Variants in RBAK observed in about 807,000 individuals in gnomAD.
RBAK encodes RB-associated KRAB zinc finger protein.
In RBAK, 39 loss-of-function variants were observed where a neutral mutation model predicts 65.8. That is an observed-to-expected ratio of 0.59 (90% confidence interval 0.46 to 0.77). The LOEUF (loss-of-function observed/expected upper bound fraction) is 0.77, where lower values mean the gene tolerates loss of function less well. Ranked by LOEUF, RBAK falls within the 30% of genes least tolerant of loss-of-function variation. The probability of loss-of-function intolerance (pLI) is 0.00; values close to 1 mark genes in which losing one functional copy is unlikely to be tolerated. For synonymous variants in RBAK, 343 were observed against 289.7 expected, an observed-to-expected ratio of 1.18 and a Z score of -1.87; for missense variants, 884 against 855.1, an observed-to-expected ratio of 1.03 and a Z score of -0.42.
In RBAK at chr7:5,064,167, T is replaced by C. The variant is rs770139851; in HGVS notation, c.711T>C (p.Asp237=). ...YIGEKPYEWN[D]SGPDFIQMSN... is the part of the protein sequence containing the mutation. The stretch of plus-strand genomic sequence containing the variant: ...GGGAGAAGCCCTATGAGTGGAATGA[T>C]TCTGGACCAGACTTCATACAGATGT... Residue 237 remains aspartate (D), a synonymous_variant, in exon 5 of 5, where the codon GAT becomes GAC. Transcript: ENST00000396912. The surrounding 1 kb of genome is among the most constrained non-coding windows in gnomAD (Gnocchi z 6.3). The C allele has an allele frequency of 1.9e-6, 3 of 1,613,892 alleles. No homozygotes were observed. Among genetic ancestry groups the C allele is most frequent in the Non-Finnish European group, 2.5e-6 (3 of 1,179,908 alleles).
At position 5,057,774 on chromosome 7, in the gene RBAK, G is replaced by A. The variant is rs1397120435; in HGVS notation, c.233G>A (p.Ser78Asn). ...IMGGEFPCQH[S>N]PEAWRVDDLI... ...GGAGGTGAATTTCCATGTCAACATA[G>A]TCCAGGTAAGTTAGTAGCGTATCAA... Residue 78 changes from serine (S) to asparagine (N), a missense_variant, in exon 4 of 5, where the codon AGT becomes AAT. Ser to Asn is a conservative substitution (Grantham distance 46). Transcript: ENST00000396912. 6.2e-7 allele frequency: 1 copy of A among 1,613,882 alleles called. No homozygotes were observed. The highest frequency in any genetic ancestry group is 8.5e-7 in the Non-Finnish European group (1 of 1,179,824).
chr7:5,063,872 C>T lies in RBAK; in HGVS notation c.416C>T (p.Ser139Leu), dbSNP rs533286627. 5 of 1,613,990 alleles carry T rather than the reference C, an allele frequency of 3.1e-6. No homozygotes were observed. Among genetic ancestry groups the T allele is most frequent in the Admixed American group, 1.7e-5 (1 of 60,018 alleles). ...PSSIIAHNCV[S>L]CGKNLESISQ... ...AGCATAATAGCTCATAATTGTGTCT[C>T]ATGTGGAAAGAATTTAGAATCTATT... is the stretch of plus-strand genomic sequence containing the variant. Residue 139 changes from serine to leucine, a missense_variant, in exon 5 of 5, where the codon TCA (serine) becomes TTA (leucine). Coordinates refer to ENST00000396912, the MANE Select transcript of RBAK (RefSeq NM_021163.4).
At chr7:5,054,186 C>T (rs1788174305) in intron 2 of RBAK, among the ~76,000 whole-genome samples, 1 of 152,132 alleles carries the variant, frequency 6.6e-6, no homozygotes, top group African/African-American at 2.4e-5. Context: ...GAGGGCAGAT[C>T]ACAAGGTCAG....
At chr7:5,056,804 G>A (rs2115035306) in intron 2 of RBAK, among the ~76,000 whole-genome samples, 1 of 152,256 alleles carries the variant, frequency 6.6e-6, no homozygotes, top group Non-Finnish European at 1.5e-5. Context: ...GAGTTAGGAG[G>A]AAGAGGACCA....
rs898413884 is a variant in RBAK, at chr7:5,065,878, A to G, written c.*277A>G. 3 of 223,160 alleles carry G rather than the reference A, an allele frequency of 1.3e-5. No homozygotes were observed. Among genetic ancestry groups the G allele is most frequent in the South Asian group, 3.5e-4 (2 of 5,788 alleles). 13.8% of individuals were successfully genotyped at this position (223,160 alleles called of 1,614,324 possible). A position where few individuals can be genotyped will look rare whatever the true frequency, so the allele number is the denominator to read the frequency against. ...TTTATTTTGGATTCAAATTGTATTT[A>G]CATATCAGGGAATCATACAAAGGCA... On this transcript the variant is annotated 3_prime_UTR_variant, in exon 5 of 5. Coordinates refer to ENST00000396912, the MANE Select transcript of RBAK (RefSeq NM_021163.4). This position sits in a 1 kb window ranked among gnomAD's most constrained non-coding sequence, Gnocchi z 5.3.
intron 2 of RBAK, among the ~76,000 whole-genome samples, chr7:5,049,137 C>T (rs1788059678): frequency 6.6e-6 from 1 of 152,170 alleles, no homozygotes; most frequent in African/African-American, 2.4e-5. Context: ...GGAAAAATTT[C>T]TTCATTCAAG....
At chr7:5,053,663 TTC>T (rs1215844498) in intron 2 of RBAK, among the ~76,000 whole-genome samples, 2 of 152,252 alleles carry the variant, frequency 1.3e-5, no homozygotes, top group African/African-American at 2.4e-5. Flanking sequence ...TAATTCTTTT[TTC>T]TCTGTTTCAT....
chr7:5,068,410 GACTTTAGAGGATATCCACTC>G lies in RBAK; in HGVS notation c.*2827_*2846del, dbSNP rs1779273195. 1.3e-5 allele frequency: 2 copies of G among 152,192 alleles called. No individual in the cohort carries two copies. Among genetic ancestry groups the G allele is most frequent in the African/African-American group, 2.4e-5 (1 of 41,436 alleles). The allele number at this position is 152,192 out of a possible 1,614,324, so 9.4% of individuals were successfully genotyped here. A position where few individuals can be genotyped will look rare whatever the true frequency, so the allele number is the denominator to read the frequency against. On this transcript the variant is annotated 3_prime_UTR_variant, in exon 5 of 5. Transcript: ENST00000396912. ...AAGGGGGAAACTGGAAAAGGCAAAA[GACTTTAGAGGATATCCACTC>G]ACTTTAGAGGATATCCAGACGGCCA...
intron 4 of RBAK, among the ~76,000 whole-genome samples, chr7:5,061,392 A>G (rs924179500): frequency 2.0e-5 from 3 of 151,690 alleles, no homozygotes; most frequent in Non-Finnish European, 4.4e-5. Context: ...CTAGTATTAA[A>G]TATGACTTTC....
chr7:5,050,550 C>T (rs1173940371), intron 2 of RBAK, among the ~76,000 whole-genome samples: 1 of 152,090 alleles, frequency 6.6e-6, no homozygotes, highest in African/African-American at 2.4e-5. Flanking sequence ...CTAATTCTAC[C>T]ATTTCTTCTT....
chr7:5,058,761 G>A lies in RBAK; in HGVS notation c.238+982G>A, dbSNP rs537304111. Among the ~76,000 whole-genome samples, 6 of 152,332 alleles carry A rather than the reference G, an allele frequency of 3.9e-5. No homozygotes were observed. The South Asian group carries it at 1.2e-3, about 32-fold the overall frequency. ...TTCAGGAAGTGTGAATTTCATAAGTGAATGTCGGTTCCTTTTCTTGCCTTT... is the reference window on the plus strand; with the variant it reads ...TTCAGGAAGTGTGAATTTCATAAGTAAATGTCGGTTCCTTTTCTTGCCTTT... On this transcript the variant is annotated intron_variant, in intron 4 of 4. Coordinates refer to ENST00000396912, the MANE Select transcript of RBAK (RefSeq NM_021163.4).
chr7:5,054,425 A>G (rs546778017), intron 2 of RBAK, among the ~76,000 whole-genome samples: 2 of 148,516 alleles, frequency 1.3e-5, no homozygotes, highest in African/African-American at 2.5e-5. Flanking sequence ...AAAAAAAACC[A>G]TTGCTTCATA....
chr7:5,049,469 G>C (rs1376605000), intron 2 of RBAK, among the ~76,000 whole-genome samples: 1 of 152,180 alleles, frequency 6.6e-6, no homozygotes, highest in African/African-American at 2.4e-5. Flanking sequence ...TCAGTTCTCA[G>C]TGTTTTAGTT....
intron 1 of RBAK, 87 bp downstream of exon 1, chr7:5,046,483 AG>A (rs1383970150): frequency 1.2e-5 from 5 of 421,772 alleles, no homozygotes; most frequent in East Asian, 6.6e-5. Flanking sequence ...GGGCAGGGGG[AG>A]GGTCTCGATC....
intron 3 of RBAK, 102 bp downstream of exon 3, chr7:5,057,523 G>C: frequency 1.2e-6 from 2 of 1,606,216 alleles, no homozygotes; most frequent in African/African-American, 1.3e-5. Context: ...GTGGGCACTA[G>C]CTGGAGTGTT....
At chr7:5,060,279 A>G (rs1779038567) in intron 4 of RBAK, among the ~76,000 whole-genome samples, 3 of 152,216 alleles carry the variant, frequency 2.0e-5, no homozygotes, top group Non-Finnish European at 2.9e-5. Context: ...CCATCAAGAG[A>G]TCATTTATTC....
intron 2 of RBAK, among the ~76,000 whole-genome samples, chr7:5,050,410 A>G (rs1788089862): frequency 6.6e-6 from 1 of 152,154 alleles, no homozygotes; most frequent in Non-Finnish European, 1.5e-5. Context: ...ACACAGCTGT[A>G]CCGTACGTGG....
rs1398409382 is a variant in RBAK at position 5,065,973 on chromosome 7, A to T, written c.*372A>T. On this transcript the variant is annotated 3_prime_UTR_variant, in exon 5 of 5. Coordinates refer to ENST00000396912, the MANE Select transcript of RBAK (RefSeq NM_021163.4). This position sits in a 1 kb window ranked among gnomAD's most constrained non-coding sequence, Gnocchi z 5.3. ...ATTTGTTGTAAAAGCCATATTTCTA[A>T]TGGAAAATCAGGTGTTTACAGGAAA... is the stretch of plus-strand genomic sequence containing the variant. 1 of 156,708 alleles carries T rather than the reference A, an allele frequency of 6.4e-6. No homozygotes were observed. The highest frequency in any genetic ancestry group is 2.4e-5 in the African/African-American group (1 of 41,578). 9.7% of individuals were successfully genotyped at this position (156,708 alleles called of 1,614,324 possible). A position where few individuals can be genotyped will look rare whatever the true frequency, so the allele number is the denominator to read the frequency against.
chr7:5,050,607 C>T (rs939694707), intron 2 of RBAK, among the ~76,000 whole-genome samples: 1 of 152,014 alleles, frequency 6.6e-6, no homozygotes, highest in Non-Finnish European at 1.5e-5. Flanking sequence ...TTTTTGGAAA[C>T]AGAGTCTCAC....
Sources: allele counts gnomAD v4.1 joint callset (sites outside exome capture counted in the v4.1 genomes callset), GRCh38; gene constraint gnomAD v4.1.1; non-coding constraint Gnocchi (gnomAD v3.1); transcripts MANE v1.5; gene names NCBI Gene and HGNC (gene_info 2026-07-23, HGNC 2026-07-21).